HPS1: variants seen among roughly 807,000 people sequenced by gnomAD.
HPS1 encodes the protein BLOC-3 complex member HPS1.
In HPS1, 59 loss-of-function variants were observed where a neutral mutation model predicts 90.6. The ratio of observed to expected loss-of-function variants is 0.65; its 90% CI spans 0.53 to 0.81. The LOEUF (loss-of-function observed/expected upper bound fraction) is 0.81. HPS1 is among the 30% of genes least tolerant of loss of function. The pLI is 0.00. For synonymous variants in HPS1, 388 were observed against 384.4 expected, an observed-to-expected ratio of 1.01 and a Z score of -0.11; for missense variants, 849 against 896.7, an observed-to-expected ratio of 0.95 and a Z score of 0.68.
At chr10:98,431,392 T>C (rs1431390126) in intron 6 of HPS1, 101 bp from the exon 7 acceptor site, 1 of 1,263,336 alleles carries the variant, frequency 7.9e-7, no homozygotes, top group Non-Finnish European at 1.1e-6. Context: ...ACAGTGAGCT[T>C]GGACTCTGCA....
In HPS1 at chr10:98,430,657, A is replaced by G. The variant is rs1219350841; in HGVS notation, c.682T>C (p.Ser228Pro). The G allele has an allele frequency of 6.4e-7, 1 of 1,553,392 alleles. No individual in the cohort carries two copies. Among genetic ancestry groups the G allele is most frequent in the Non-Finnish European group, 8.7e-7 (1 of 1,147,994 alleles). Residue 228 changes from serine (S) to proline (P), a missense_variant, in exon 8 of 20, where the codon TCC becomes CCC. By Grantham distance (74) the Ser-to-Pro change is moderately conservative (BLOSUM62 -1). Transcript: ENST00000361490. ...GCAAGCAGGTCGGCCGGGCGCAGGG[A>G]GCTGGCACTGTGGCTGCAGACACAG... ...LAFYSSHSAS[S>P]LRPADLLALI...
chr10:98,433,887 C>T (rs557038838), intron 6 of HPS1, 96 bp downstream of exon 6: 92 of 1,503,018 alleles, frequency 6.1e-5, no homozygotes, highest in Non-Finnish European at 8.1e-6. Flanking sequence ...GCTGCTTGTG[C>T]CTTCATTCAT....
At chr10:98,433,866 G>A (rs909074176) in intron 6 of HPS1, 117 bp downstream of exon 6, 52 of 1,408,128 alleles carry the variant, frequency 3.7e-5, no homozygotes, top group Non-Finnish European at 4.7e-5. Flanking sequence ...CTGAATACAC[G>A]AGTTTCAGGG....
chr10:98,446,141 A>T (rs1391529888), intron 1 of HPS1, among the ~76,000 whole-genome samples: 1 of 150,298 alleles, frequency 6.7e-6, no homozygotes, highest in Non-Finnish European at 1.5e-5. Context: ...AAGCACTGTG[A>T]GCCAGTAAGA....
At chr10:98,418,384 T>G (rs1323401300) in intron 18 of HPS1, 127 bp from the exon 19 acceptor site, 6 of 517,574 alleles carry the variant, frequency 1.2e-5, no homozygotes, top group Non-Finnish European at 2.1e-5. Context: ...TGCCTGGACC[T>G]TGTTTTTTCA....
chr10:98,442,809 T>C (rs1366307223), intron 3 of HPS1: 2 of 388,164 alleles, frequency 5.2e-6, no homozygotes, highest in African/African-American at 4.1e-5. Flanking sequence ...CGCCCAGCCT[T>C]GTTAAACTTT....
At chr10:98,428,655 C>A (rs948051531) in intron 10 of HPS1, among the ~76,000 whole-genome samples, 2 of 151,444 alleles carry the variant, frequency 1.3e-5, no homozygotes, top group African/African-American at 2.4e-5. Flanking sequence ...GAAACCCTGG[C>A]CTTCTTTCTT....
intron 6 of HPS1, among the ~76,000 whole-genome samples, chr10:98,433,149 T>C (rs1846745246): frequency 6.6e-6 from 1 of 151,678 alleles, no homozygotes; most frequent in South Asian, 2.1e-4. Context: ...GGAGAATTGC[T>C]TGAACCCGGG....
At chr10:98,438,610 T>A (rs1489876834) in intron 3 of HPS1, among the ~76,000 whole-genome samples, 1 of 152,214 alleles carries the variant, frequency 6.6e-6, no homozygotes, top group African/African-American at 2.4e-5. Context: ...CTCAGTTTTA[T>A]GCATTCACTA....
chr10:98,429,243 T>C, intron 10 of HPS1: 1 of 1,130,960 alleles, frequency 8.8e-7, no homozygotes, highest in South Asian at 1.9e-5. Flanking sequence ...TGTATAGAAA[T>C]TAGATGATTA....
chr10:98,435,151 C>T lies in HPS1; in HGVS notation c.398+121G>A. On this transcript the variant is annotated intron_variant, in intron 5 of 19. Transcript: ENST00000361490. The surrounding 1 kb of genome is among the most constrained non-coding windows in gnomAD (Gnocchi z 4.3). ...GGTTCACTTGAGCTGTTTCTCTGAC[C>T]TAGGGACCCAGCTGGGGGCAGTATG... The T allele has an allele frequency of 8.3e-7, 1 of 1,207,254 alleles. No individual in the cohort carries two copies. The highest frequency in any genetic ancestry group is 1.2e-6 in the Non-Finnish European group (1 of 821,232). 74.8% of individuals were successfully genotyped at this position (1,207,254 alleles called of 1,614,324 possible).
At chr10:98,433,541 G>A (rs1846831575) in intron 6 of HPS1, among the ~76,000 whole-genome samples, 1 of 152,198 alleles carries the variant, frequency 6.6e-6, no homozygotes, top group African/African-American at 2.4e-5. Flanking sequence ...ACCTAGAGTT[G>A]CAGGCTCAGC....
Position 98,425,895 on chromosome 10 carries a change from T to C in HPS1, c.1078A>G (p.Ser360Gly). The change falls in exon 12 of 20, where the codon AGC becomes GGC. Residue 360 changes from serine (S) to glycine (G), a missense_variant. Coordinates refer to ENST00000361490, the MANE Select transcript of HPS1 (RefSeq NM_000195.5). ...RIFLDANVKE[S>G]YCPLVPHTMY... ...GTGTGGGGCACTAGGGGGCAGTAGC[T>C]TTCCTTCACGTTGGCATCCAGGAAG... 6.2e-7 allele frequency: 1 copy of C among 1,614,100 alleles called. No homozygotes were observed. Among genetic ancestry groups the C allele is most frequent in the Non-Finnish European group, 8.5e-7 (1 of 1,180,004 alleles).
downstream of HPS1, chr10:98,414,632 G>T (rs147108323): frequency 2.7e-4 from 46 of 168,966 alleles, no homozygotes; most frequent in African/African-American, 9.9e-4. Flanking sequence ...TCACTTGTCT[G>T]TTGGCCCAGG....
intron 3 of HPS1, among the ~76,000 whole-genome samples, chr10:98,437,192 T>C (rs963473883): frequency 5.9e-5 from 9 of 152,210 alleles, no homozygotes; most frequent in African/African-American, 9.7e-5. Flanking sequence ...GCAAGGATCA[T>C]GTTGCTACGT....
rs1061123 is a variant in HPS1, at chr10:98,417,240, A to G, written c.*324T>C. The G allele has an allele frequency of 0.42, 89,548 of 212,882 alleles. 20,858 individuals are homozygous for G. Among genetic ancestry groups the G allele is most frequent in the African/African-American group, 0.64 (27,661 of 43,420 alleles). 13.2% of individuals were successfully genotyped at this position (212,882 alleles called of 1,614,324 possible). ...CTTGCTGGGTGGGCTTCCTCCACGC[A>G]GGGAACAGCAGAGATGGGGCTTCCT... is the stretch of plus-strand genomic sequence containing the variant. On this transcript the variant is annotated 3_prime_UTR_variant, in exon 20 of 20. Transcript: ENST00000361490. This position sits in a 1 kb window ranked among gnomAD's most constrained non-coding sequence, Gnocchi z 4.2.
At chr10:98,414,920 C>A, downstream of HPS1, 1 of 1,538,648 alleles carries the variant, frequency 6.5e-7, no homozygotes, top group South Asian at 1.3e-5. Context: ...AGCAGTGGGG[C>A]TTGGCTCCCC....
In HPS1 at chr10:98,425,877, G is replaced by A; in HGVS notation, c.1096C>T (p.Pro366Ser). The change falls in exon 12 of 20, where the codon CCC becomes TCC. Residue 366 changes from proline to serine, a missense_variant. Physicochemically the swap from Pro to Ser is moderately conservative, Grantham distance 74 (BLOSUM62 -1). Transcript: ENST00000361490. The stretch of plus-strand genomic sequence containing the variant: ...AGGGGCAGGCAGTACATGGTGTGGG[G>A]CACTAGGGGGCAGTAGCTTTCCTTC... The part of the protein sequence containing the change: ...NVKESYCPLV[P>S]HTMYCLPLWQ... 6.2e-7 allele frequency: 1 copy of A among 1,614,162 alleles called. No homozygotes were observed. The highest frequency in any genetic ancestry group is 1.1e-5 in the South Asian group (1 of 91,080).
At chr10:98,444,082 G>A (rs1938993427) in intron 2 of HPS1, among the ~76,000 whole-genome samples, 1 of 151,892 alleles carries the variant, frequency 6.6e-6, no homozygotes, top group South Asian at 2.1e-4. Flanking sequence ...AACAGCTCCA[G>A]AAGATGAGCC....
Sources: gnomAD v4.1 joint callset for allele counts (sites outside exome capture counted in the v4.1 genomes callset) on GRCh38, gnomAD v4.1.1 for gene constraint, Gnocchi (gnomAD v3.1) non-coding constraint, MANE v1.5 for transcripts, NCBI Gene and HGNC (gene_info 2026-07-23, HGNC 2026-07-21) for gene names.